TMCO5A: variants seen among roughly 807,000 people sequenced by gnomAD.
The protein encoded by TMCO5A is transmembrane and coiled-coil domains 5A.
Under a neutral mutation model 42.3 loss-of-function variants are expected in TMCO5A, and 34 were observed. That is an observed-to-expected ratio of 0.80 (90% CI 0.61 to 1.07). The LOEUF (loss-of-function observed/expected upper bound fraction) is 1.07, where lower values mean the gene tolerates loss of function less well. Ranked by LOEUF, TMCO5A falls within the 50% of genes least tolerant of loss-of-function variation. TMCO5A has a pLI of 0.00. For missense variants in TMCO5A, 357 were observed against 327.9 expected, an observed-to-expected ratio of 1.09 and a Z score of -0.69; for synonymous variants, 131 against 115.6, an observed-to-expected ratio of 1.13 and a Z score of -0.86.
the TMCO5A span, among the ~76,000 whole-genome samples, chr15:38,002,210 T>G: frequency 1.3e-4 from 19 of 150,536 alleles, no homozygotes; most frequent in East Asian, 3.7e-3. Context: ...GATAAAAGGT[T>G]TTTTTTTTTT....
chr15:38,026,884 C>T, the TMCO5A span, among the ~76,000 whole-genome samples: 2 of 152,330 alleles, frequency 1.3e-5, no homozygotes. Context: ...ACAGCTTCCA[C>T]GTGGTGTTGA....
chr15:38,031,547 T>C, the TMCO5A span, among the ~76,000 whole-genome samples: 2 of 152,132 alleles, frequency 1.3e-5, no homozygotes, highest in Admixed American at 6.5e-5. Context: ...GAGAGACCCA[T>C]GTGGTGAGGA....
downstream of TMCO5A, among the ~76,000 whole-genome samples, chr15:37,955,613 C>CA (rs372635466): frequency 2.5e-3 from 376 of 152,218 alleles, 4 homozygotes; most frequent in African/African-American, 8.7e-3. Context: ...CAGAGACCTA[C>CA]AAAGAGACTT....
chr15:38,007,768 G>A, the TMCO5A span, among the ~76,000 whole-genome samples: 1 of 151,262 alleles, frequency 6.6e-6, no homozygotes, highest in East Asian at 2.0e-4. Flanking sequence ...CTATGATGTG[G>A]CTTTGGAATT....
the TMCO5A span, among the ~76,000 whole-genome samples, chr15:38,013,662 G>T: frequency 1.3e-5 from 2 of 152,118 alleles, no homozygotes; most frequent in Admixed American, 1.3e-4. Flanking sequence ...GAGTTTGATA[G>T]ACCCAATGAG....
chr15:38,008,658 C>T, the TMCO5A span, among the ~76,000 whole-genome samples: 1 of 152,172 alleles, frequency 6.6e-6, no homozygotes, highest in Non-Finnish European at 1.5e-5. Flanking sequence ...CCAATTCATT[C>T]CACACAGTGC....
chr15:38,040,363 T>C, the TMCO5A span: 1 of 152,266 alleles, frequency 6.6e-6, no homozygotes, highest in East Asian at 1.9e-4. Context: ...GCTGCAAGTC[T>C]TGGAGGCATT....
At chr15:37,954,951 C>G (rs1222901868), downstream of TMCO5A, among the ~76,000 whole-genome samples, 3 of 151,076 alleles carry the variant, frequency 2.0e-5, no homozygotes, top group East Asian at 5.8e-4. Flanking sequence ...AATGAATACA[C>G]AAAAAAATGC....
At chr15:37,961,819 G>T (rs1890434917) in intron 11 of TMCO5A, among the ~76,000 whole-genome samples, 1 of 151,866 alleles carries the variant, frequency 6.6e-6, no homozygotes, top group Admixed American at 6.6e-5. Flanking sequence ...TTGAATTCTT[G>T]ATTTCATTCT....
the TMCO5A span, among the ~76,000 whole-genome samples, chr15:37,979,468 C>T: frequency 6.6e-6 from 1 of 152,150 alleles, no homozygotes; most frequent in Admixed American, 6.5e-5. Flanking sequence ...ATCAAGAAAT[C>T]CACACCCTCT....
the TMCO5A span, chr15:37,984,868 G>A: frequency 1.3e-5 from 2 of 151,472 alleles, no homozygotes; most frequent in African/African-American, 4.8e-5. Context: ...AACTCACCCT[G>A]TCTATGGTAT....
chr15:37,976,489 C>T, the TMCO5A span, among the ~76,000 whole-genome samples: 17 of 152,130 alleles, frequency 1.1e-4, no homozygotes, highest in Non-Finnish European at 1.9e-4. Flanking sequence ...GGATGATGTC[C>T]GTAACTATGT....
chr15:38,014,972 A>G, the TMCO5A span, among the ~76,000 whole-genome samples: 1 of 148,796 alleles, frequency 6.7e-6, no homozygotes, highest in African/African-American at 2.5e-5. Flanking sequence ...GAGCAAGGAG[A>G]GCCAGTCCAA....
At chr15:37,998,394 A>G in the TMCO5A span, among the ~76,000 whole-genome samples, 1 of 152,138 alleles carries the variant, frequency 6.6e-6, no homozygotes, top group Non-Finnish European at 1.5e-5. Flanking sequence ...AGAGATAGGG[A>G]TCTAGTTTTA....
chr15:37,967,614 A>T (rs1394521571), exon 12 of TMCO5A: 1 of 152,232 alleles, frequency 6.6e-6, no homozygotes, highest in African/African-American at 2.4e-5. Flanking sequence ...CTATTAGCTT[A>T]GTATTAGATG....
At chr15:38,004,854 G>C in the TMCO5A span, 8 of 152,142 alleles carry the variant, frequency 5.3e-5, no homozygotes, top group African/African-American at 1.9e-4. Context: ...GTTCACCTCA[G>C]TTTTCAACTT....
At chr15:37,996,033 A>G in the TMCO5A span, among the ~76,000 whole-genome samples, 1 of 152,194 alleles carries the variant, frequency 6.6e-6, no homozygotes, top group Non-Finnish European at 1.5e-5. Flanking sequence ...AATTCTGCAA[A>G]TAAGCACCTA....
chr15:37,967,381 T>C (rs1355001624), exon 12 of TMCO5A: 1 of 152,228 alleles, frequency 6.6e-6, no homozygotes, highest in Non-Finnish European at 1.5e-5. Flanking sequence ...TTCTAGGCAT[T>C]GTGCAATGAC....
chr15:38,032,015 G>A, the TMCO5A span, among the ~76,000 whole-genome samples: 1 of 151,790 alleles, frequency 6.6e-6, no homozygotes, highest in Non-Finnish European at 1.5e-5. Context: ...GAGTGCAATG[G>A]TATGATCTCG....
Sources: allele counts gnomAD v4.1 joint callset (sites outside exome capture counted in the v4.1 genomes callset), GRCh38; gene constraint gnomAD v4.1.1; transcripts MANE v1.5; gene names NCBI Gene and HGNC (gene_info 2026-07-23, HGNC 2026-07-21).